ERAP1: variants seen among roughly 807,000 people sequenced by gnomAD.
ERAP1 encodes the protein adipocyte-derived leucine aminopeptidase.
A neutral mutation model predicts 103.7 loss-of-function variants in ERAP1; 86 were observed. That is an observed-to-expected ratio of 0.83 (90% CI 0.70 to 0.99). The LOEUF (loss-of-function observed/expected upper bound fraction) is 0.99, where lower values mean the gene tolerates loss of function less well. ERAP1 is among the 50% of genes least tolerant of loss of function. The pLI is 0.00. For synonymous variants in ERAP1, 398 were observed against 402.4 expected (o/e 0.99, Z 0.13); for missense variants, 1,009 against 1,128.4 (o/e 0.89, Z 1.52).
chr5:96,765,173 ATAC>A (rs1177001143), intron 19 of ERAP1: 1 of 1,092,262 alleles, frequency 9.2e-7, no homozygotes, highest in Non-Finnish European at 1.4e-6. Context: ...TTTGCCTCTG[ATAC>A]AGTTTGGCTA....
the ERAP1 span, among the ~76,000 whole-genome samples, chr5:96,928,834 G>A: frequency 2.0e-5 from 3 of 152,164 alleles, no homozygotes; most frequent in Non-Finnish European, 2.9e-5. Flanking sequence ...TCTCGCAATA[G>A]ATAGAAAACA....
At chr5:96,882,283 T>C in the ERAP1 span, among the ~76,000 whole-genome samples, 2 of 152,198 alleles carry the variant, frequency 1.3e-5, no homozygotes, top group African/African-American at 4.8e-5. Context: ...ACATATATCT[T>C]AGGGATACTA....
In ERAP1 at chr5:96,788,531, C is replaced by A. The variant is rs371023602; in HGVS notation, c.1679G>T (p.Gly560Val). 19 of 1,613,946 alleles carry A rather than the reference C, an allele frequency of 1.2e-5. No homozygotes were observed. In the African/African-American group the frequency reaches 1.9e-4, roughly 16 times the overall value. Residue 560 changes from glycine (G) to valine (V), a missense_variant and splice_region_variant, in exon 11 of 19, where the codon GGG becomes GTG. By Grantham distance (109) the Gly-to-Val change is moderately radical. Transcript: ENST00000443439. ...MKGSDGAPDT[G>V]YLWHVPLTFI... ...ACAAATTTTACTCTAGGAGCATTAC[C>A]CAGTGTCCGGGGCGCCGTCAGAGCC...
intron 3 of ERAP1, 121 bp downstream of exon 3, chr5:96,800,741 T>C: frequency 9.6e-7 from 1 of 1,045,208 alleles, no homozygotes; most frequent in South Asian, 1.3e-5. Context: ...GAAAAGTTAG[T>C]AACGATCTGC....
In ERAP1 at chr5:96,803,468, G is replaced by A. The variant is rs778810549; in HGVS notation, c.459C>T (p.Gly153=). The part of the protein sequence containing the change: ...LPYTVVIHYA[G]NLSETFHGFY... ...ATCCGTGGAAAGTCTCCGAAAGATT[G>A]CCAGCATAGTGAATGACAACTGTGT... The change falls in exon 2 of 19, where the codon GGC becomes GGT. Residue 153 remains glycine (G), a synonymous_variant. Transcript: ENST00000443439. 1 of 1,613,252 alleles carries A rather than the reference G, an allele frequency of 6.2e-7. No individual in the cohort carries two copies. Among genetic ancestry groups the A allele is most frequent in the Non-Finnish European group, 8.5e-7 (1 of 1,179,826 alleles).
In ERAP1 at chr5:96,775,391, G is replaced by GTT; in HGVS notation, c.*1003_*1004dup. 1 of 769,574 alleles carries GTT rather than the reference G, an allele frequency of 1.3e-6. No homozygotes were observed. Among genetic ancestry groups the GTT allele is most frequent in the Non-Finnish European group, 1.6e-6 (1 of 634,202 alleles). 47.7% of individuals were successfully genotyped at this position (769,574 alleles called of 1,614,324 possible). A position where few individuals can be genotyped will look rare whatever the true frequency, so the allele number is the denominator to read the frequency against. ...TACTGTCAGTAAATGCCAATAACTA[G>GTT]TTAGTTAGAAATTGTAAAGTAGGCC... On this transcript the variant is annotated 3_prime_UTR_variant, in exon 19 of 19. Coordinates refer to ENST00000443439, the MANE Select transcript of ERAP1 (RefSeq NM_001040458.3).
At chr5:96,872,185 T>G in the ERAP1 span, among the ~76,000 whole-genome samples, 1 of 152,108 alleles carries the variant, frequency 6.6e-6, no homozygotes, top group Middle Eastern at 3.2e-3. Context: ...CTTTTTAAAC[T>G]ATAAGTTGGC....
chr5:96,837,370 C>T, the ERAP1 span, among the ~76,000 whole-genome samples: 1 of 152,144 alleles, frequency 6.6e-6, no homozygotes, highest in African/African-American at 2.4e-5. Context: ...TACATTAGGT[C>T]AGTAGTTATA....
the ERAP1 span, among the ~76,000 whole-genome samples, chr5:96,840,737 C>T: frequency 2.3e-4 from 35 of 149,418 alleles, no homozygotes; most frequent in South Asian, 6.7e-3. Flanking sequence ...GACGGAGTCT[C>T]GCTTTGTCGC....
intron 13 of ERAP1, among the ~76,000 whole-genome samples, chr5:96,784,489 A>T (rs1260420106): frequency 1.3e-5 from 1 of 75,246 alleles, no homozygotes; most frequent in Non-Finnish European, 3.1e-5. Flanking sequence ...TCTCCAAAAA[A>T]TAAATAAACA....
chr5:96,920,228 C>T, the ERAP1 span, among the ~76,000 whole-genome samples: 2 of 151,628 alleles, frequency 1.3e-5, no homozygotes, highest in Admixed American at 1.3e-4. Context: ...TCACTTGATC[C>T]TGGGAGGTGA....
At position 96,785,791 on chromosome 5, in the gene ERAP1, A is replaced by C. The variant is rs747842859; in HGVS notation, c.1940T>G (p.Val647Gly). The change falls in exon 13 of 19, where the codon GTC becomes GGC. Residue 647 changes from valine to glycine, a missense_variant. Coordinates refer to ENST00000443439, the MANE Select transcript of ERAP1 (RefSeq NM_001040458.3). ...GACTTTGTGCAGCGTGTATTACCTG[A>C]CGAGCTGAAATGCATTGTTAATGAG... The part of the protein sequence containing the change: ...ASLINNAFQL[V>G]SIGKLSIEKA... 4 of 1,614,088 alleles carry C rather than the reference A, an allele frequency of 2.5e-6. No homozygotes were observed. The South Asian group carries it at 4.4e-5, about 18-fold the overall frequency.
chr5:96,932,843 A>G, the ERAP1 span, among the ~76,000 whole-genome samples: 1 of 152,128 alleles, frequency 6.6e-6, no homozygotes, highest in Non-Finnish European at 1.5e-5. Flanking sequence ...TAACTCTCCA[A>G]ATTAATGGTT....
chr5:96,813,202 A>G, the ERAP1 span, among the ~76,000 whole-genome samples: 1 of 152,222 alleles, frequency 6.6e-6, no homozygotes, highest in Admixed American at 6.5e-5. Context: ...GGATGAACAA[A>G]TGAAGTGTTT....
At chr5:96,930,683 C>T in the ERAP1 span, among the ~76,000 whole-genome samples, 1 of 152,216 alleles carries the variant, frequency 6.6e-6, no homozygotes, top group African/African-American at 2.4e-5. Flanking sequence ...AAATACCCCT[C>T]TCCTCCCATA....
chr5:96,824,675 C>T, the ERAP1 span, among the ~76,000 whole-genome samples: 2 of 152,218 alleles, frequency 1.3e-5, no homozygotes, highest in Non-Finnish European at 2.9e-5. Context: ...GTCACCTTCC[C>T]TGACCATCTT....
At chr5:96,857,286 GCA>G in the ERAP1 span, among the ~76,000 whole-genome samples, 1 of 152,126 alleles carries the variant, frequency 6.6e-6, no homozygotes, top group African/African-American at 2.4e-5. Flanking sequence ...CTTACTCCTA[GCA>G]CACACATGTC....
At chr5:96,825,654 C>T in the ERAP1 span, among the ~76,000 whole-genome samples, 1 of 152,188 alleles carries the variant, frequency 6.6e-6, no homozygotes, top group East Asian at 1.9e-4. Context: ...TTATATGTTA[C>T]TCCCCAGATT....
the ERAP1 span, chr5:96,912,855 G>A: frequency 6.9e-7 from 1 of 1,453,296 alleles, no homozygotes; most frequent in Non-Finnish European, 9.3e-7. Context: ...ATTCAGTGAA[G>A]TCACTAAAAC....
Sources: gnomAD v4.1 joint callset for allele counts (sites outside exome capture counted in the v4.1 genomes callset) on GRCh38, gnomAD v4.1.1 for gene constraint, MANE v1.5 for transcripts, NCBI Gene and HGNC (gene_info 2026-07-23, HGNC 2026-07-21) for gene names.